The following DLGAP2 variants were observed in gnomAD, a reference collection of about 807,000 sequenced individuals.
DLGAP2 encodes disks large-associated protein 2.
A neutral mutation model predicts 100.3 loss-of-function variants in DLGAP2; 26 were observed. The observed-to-expected ratio is 0.26, with a 90% CI of 0.19 to 0.36. The LOEUF (loss-of-function observed/expected upper bound fraction) is 0.36, where lower values mean the gene tolerates loss of function less well. Among genes scored for constraint, DLGAP2 ranks in the 10% least tolerant of loss-of-function variants. The pLI, the probability that DLGAP2 is intolerant of heterozygous loss-of-function variation, is 1.00. For synonymous variants in DLGAP2, 886 were observed against 630.1 expected (o/e 1.41, Z -6.08); for missense variants, 1,858 against 1,453.2 (o/e 1.28, Z -4.53).
At chr8:1,104,406 A>T (rs901247645) in intron 2 of DLGAP2, among the ~76,000 whole-genome samples, 1 of 152,236 alleles carries the variant, frequency 6.6e-6, no homozygotes, top group Non-Finnish European at 1.5e-5. Context: ...CCACAGGACC[A>T]GCACAGTCAT....
intron 2 of DLGAP2, among the ~76,000 whole-genome samples, chr8:1,201,329 G>T (rs1218602237): frequency 6.6e-6 from 1 of 152,210 alleles, no homozygotes; most frequent in African/African-American, 2.4e-5. Context: ...CCTGGAACCA[G>T]CAGGAGCTCT....
intron 6 of DLGAP2, among the ~76,000 whole-genome samples, chr8:1,599,657 T>C (rs1796564460): frequency 6.6e-6 from 1 of 152,234 alleles, no homozygotes; most frequent in South Asian, 2.1e-4. Flanking sequence ...TAGATCGTTG[T>C]TGACTTAAAA....
chr8:1,116,870 G>A (rs144351900), intron 2 of DLGAP2, among the ~76,000 whole-genome samples: 1,708 of 152,268 alleles, frequency 0.011, 24 homozygotes, highest in Non-Finnish European at 0.015. Context: ...ATAAAAATTA[G>A]TTGACTCTGA....
chr8:1,641,090 G>A (rs190381338), intron 8 of DLGAP2, among the ~76,000 whole-genome samples: 3 of 152,140 alleles, frequency 2.0e-5, no homozygotes, highest in African/African-American at 7.2e-5. Context: ...GTTAGGACAG[G>A]AGCCCCTGGT....
chr8:1,267,668 A>G (rs998197223), intron 3 of DLGAP2, among the ~76,000 whole-genome samples: 3 of 151,782 alleles, frequency 2.0e-5, no homozygotes, highest in Non-Finnish European at 4.4e-5. Flanking sequence ...GTCAGCTCAG[A>G]CACCATTTCC....
chr8:1,491,431 G>C (rs1460534062), intron 3 of DLGAP2, among the ~76,000 whole-genome samples: 1 of 152,260 alleles, frequency 6.6e-6, no homozygotes, highest in Non-Finnish European at 1.5e-5. Context: ...TGATCTCAGA[G>C]GCTGTTTCAG....
chr8:1,576,288 G>A (rs1802975290), intron 6 of DLGAP2, among the ~76,000 whole-genome samples: 1 of 152,174 alleles, frequency 6.6e-6, no homozygotes, highest in South Asian at 2.1e-4. Context: ...GTCTGTTCAT[G>A]TCCTTCGCCC....
chr8:948,740 G>C (rs1799397530), intron 2 of DLGAP2, among the ~76,000 whole-genome samples: 1 of 152,226 alleles, frequency 6.6e-6, no homozygotes, highest in Non-Finnish European at 1.5e-5. Context: ...ACTGCCCCTG[G>C]GGCTGAGTGA....
At position 1,236,858 on chromosome 8, in the gene DLGAP2, G is replaced by T. The variant is rs375624934; in HGVS notation, c.74-21993G>T. 1.4e-3 allele frequency among the ~76,000 whole-genome samples: 113 copies of T among 79,486 alleles called. 11 individuals carry two copies. The highest frequency in any genetic ancestry group is 6.4e-3 in the African/African-American group (110 of 17,186). 52.1% of individuals were successfully genotyped at this position (79,486 alleles called of 152,430 possible). A position where few individuals can be genotyped will look rare whatever the true frequency, so the allele number is the denominator to read the frequency against. On this transcript the variant is annotated intron_variant, in intron 2 of 14. Coordinates refer to ENST00000637795, the MANE Select transcript of DLGAP2 (RefSeq NM_001346810.2). ...CACACATAGCGTCATGTCTAGTTCT[G>T]TCTCACACAGTGCATCGTGTCTAGT... is the stretch of plus-strand genomic sequence containing the variant.
intron 2 of DLGAP2, among the ~76,000 whole-genome samples, chr8:1,183,173 C>T (rs1277360626): frequency 8.6e-5 from 13 of 151,984 alleles, no homozygotes; most frequent in Admixed American, 8.5e-4. Flanking sequence ...GACACAGCAG[C>T]CAGGATCTAG....
intron 4 of DLGAP2, among the ~76,000 whole-genome samples, chr8:1,547,758 C>T (rs766221620): frequency 1.1e-4 from 17 of 152,174 alleles, no homozygotes; most frequent in Non-Finnish European, 2.2e-4. Flanking sequence ...TCACAGGCCG[C>T]AGAAGGACAC....
chr8:1,633,067 G>T, intron 8 of DLGAP2, 21 bp downstream of exon 8: 2 of 1,613,540 alleles, frequency 1.2e-6, no homozygotes, highest in Non-Finnish European at 1.7e-6. Flanking sequence ...GCCATTTTCA[G>T]CCTTCCAGCG....
intron 8 of DLGAP2, among the ~76,000 whole-genome samples, chr8:1,655,989 A>T (rs1015995559): frequency 6.6e-6 from 1 of 152,234 alleles, no homozygotes; most frequent in Non-Finnish European, 1.5e-5. Context: ...TGTGCCGCAG[A>T]GGAACCCAAG....
chr8:1,261,962 C>G (rs1799359668), intron 3 of DLGAP2, among the ~76,000 whole-genome samples: 1 of 152,156 alleles, frequency 6.6e-6, no homozygotes, highest in African/African-American at 2.4e-5. Context: ...CTCATTACAT[C>G]CAGAAGGTTA....
At chr8:1,380,184 A>G (rs759269544) in intron 3 of DLGAP2, 18 of 152,120 alleles carry the variant, frequency 1.2e-4, no homozygotes, top group Non-Finnish European at 1.3e-4. Flanking sequence ...AATCCTGAAA[A>G]GAGTACTCGA....
intron 2 of DLGAP2, among the ~76,000 whole-genome samples, chr8:1,219,330 A>G (rs1007603772): frequency 6.6e-6 from 1 of 152,136 alleles, no homozygotes; most frequent in Non-Finnish European, 1.5e-5. Flanking sequence ...ACATGAAAGG[A>G]TGTTGAATTC....
intron 6 of DLGAP2, among the ~76,000 whole-genome samples, chr8:1,625,610 T>C (rs1355850923): frequency 6.6e-6 from 1 of 152,254 alleles, no homozygotes; most frequent in African/African-American, 2.4e-5. Flanking sequence ...TTTTCTGTTA[T>C]TTTTTAAATA....
intron 3 of DLGAP2, among the ~76,000 whole-genome samples, chr8:1,462,911 C>T (rs570463700): frequency 5.9e-5 from 9 of 152,366 alleles, no homozygotes; most frequent in Admixed American, 2.6e-4. Flanking sequence ...GGCTCAAACA[C>T]ATGTTGCCCT....
chr8:1,485,202 A>T (rs1017908889), intron 3 of DLGAP2, among the ~76,000 whole-genome samples: 4 of 152,204 alleles, frequency 2.6e-5, no homozygotes, highest in Non-Finnish European at 4.4e-5. Flanking sequence ...CTTTCCTCTC[A>T]TCTTGCCAGA....
Sources: gnomAD v4.1 joint callset for allele counts (sites outside exome capture counted in the v4.1 genomes callset) on GRCh38, gnomAD v4.1.1 for gene constraint, MANE v1.5 for transcripts, NCBI Gene and HGNC (gene_info 2026-07-23, HGNC 2026-07-21) for gene names.